DOCK10: variants seen among roughly 807,000 people sequenced by gnomAD.
DOCK10 encodes dedicator of cytokinesis protein 10.
Under a neutral mutation model 280.1 loss-of-function variants are expected in DOCK10, and 145 were observed. The ratio of observed to expected loss-of-function variants is 0.52; its 90% CI spans 0.45 to 0.59. The LOEUF (loss-of-function observed/expected upper bound fraction) is 0.59, where lower values mean the gene tolerates loss of function less well. Ranked by LOEUF, DOCK10 falls within the 20% of genes least tolerant of loss-of-function variation. The pLI, the probability that DOCK10 is intolerant of heterozygous loss-of-function variation, is 0.00. For missense variants in DOCK10, 2,368 were observed against 2,651.7 expected (o/e 0.89, Z 2.35); for synonymous variants, 915 against 942.2 (o/e 0.97, Z 0.53).
intron 8 of DOCK10, among the ~76,000 whole-genome samples, chr2:224,875,294 T>A (rs1355871969): frequency 1.3e-5 from 2 of 152,256 alleles, no homozygotes; most frequent in African/African-American, 2.4e-5. Context: ...TCTTTCACTC[T>A]ACAGCCTGAG....
chr2:224,873,879 T>A lies in DOCK10; in HGVS notation c.1257+117A>T. On this transcript the variant is annotated intron_variant, in intron 11 of 55. Coordinates refer to ENST00000258390, the MANE Select transcript of DOCK10 (RefSeq NM_014689.3). ...GGAAAAGGCTGTTAATAATATTCCC[T>A]GGTACACTAGAGAGTGAGAAATCAG... 3 of 1,063,322 alleles carry A rather than the reference T, an allele frequency of 2.8e-6. No homozygotes were observed. The East Asian group carries it at 7.5e-5, about 26-fold the overall frequency. 65.9% of individuals were successfully genotyped at this position (1,063,322 alleles called of 1,614,324 possible). A position where few individuals can be genotyped will look rare whatever the true frequency, so the allele number is the denominator to read the frequency against.
At chr2:224,816,506 A>G in intron 30 of DOCK10, 111 bp downstream of exon 30, 1 of 743,628 alleles carries the variant, frequency 1.3e-6, no homozygotes, top group East Asian at 2.7e-5. Context: ...GACAGCTTCA[A>G]ACAAAATTAT....
intron 1 of DOCK10, among the ~76,000 whole-genome samples, chr2:224,957,289 C>CA (rs1553622567): frequency 6.8e-6 from 1 of 146,266 alleles, no homozygotes; most frequent in Non-Finnish European, 1.5e-5. Context: ...CTTTCCGCCC[C>CA]CCCCCGGCTT....
intron 1 of DOCK10, among the ~76,000 whole-genome samples, chr2:225,008,353 T>C (rs1299876739): frequency 6.6e-6 from 1 of 152,172 alleles, no homozygotes; most frequent in Non-Finnish European, 1.5e-5. Flanking sequence ...TGGTGCTAGA[T>C]TGTGAGTAGT....
chr2:224,813,761 C>A (rs1693941926), intron 31 of DOCK10, among the ~76,000 whole-genome samples: 1 of 152,184 alleles, frequency 6.6e-6, no homozygotes, highest in South Asian at 2.1e-4. Flanking sequence ...TGCAGAAGTT[C>A]AGGAGACTAA....
rs1232072572 is a variant in DOCK10 at position 224,838,458 on chromosome 2, T to A, written c.2781-627A>T. On this transcript the variant is annotated intron_variant, in intron 24 of 55. Coordinates refer to ENST00000258390, the MANE Select transcript of DOCK10 (RefSeq NM_014689.3). The stretch of plus-strand genomic sequence containing the variant: ...ATATCTCAGAATTTCAACAGATCTA[T>A]CAGCTGCAATATCTAGGAGTCTTGC... Among the ~76,000 whole-genome samples the A allele has an allele frequency of 1.3e-5, 2 of 152,164 alleles. 1 individual carries two copies. Among genetic ancestry groups the A allele is most frequent in the Non-Finnish European group, 2.9e-5 (2 of 68,028 alleles).
intron 1 of DOCK10, among the ~76,000 whole-genome samples, chr2:225,013,052 C>T (rs1472877660): frequency 1.3e-5 from 2 of 152,128 alleles, no homozygotes; most frequent in African/African-American, 4.8e-5. Context: ...CTCTTTTGAA[C>T]ATTAATTTAA....
intron 55 of DOCK10, chr2:224,768,875 T>G: frequency 2.2e-6 from 1 of 456,450 alleles, no homozygotes; most frequent in Non-Finnish European, 4.4e-6. Flanking sequence ...AACATACCAC[T>G]TTTGCTTACA....
At chr2:225,035,542 TTATATATA>T (rs57424275) in intron 1 of DOCK10, among the ~76,000 whole-genome samples, 2,095 of 49,970 alleles carry the variant, frequency 0.042, 117 homozygotes, top group East Asian at 0.078. Flanking sequence ...ATGATATATA[TTATATATA>T]TATATATATA....
chr2:224,939,261 T>G (rs1162704791), intron 1 of DOCK10, among the ~76,000 whole-genome samples: 1 of 152,220 alleles, frequency 6.6e-6, no homozygotes, highest in African/African-American at 2.4e-5. Context: ...AATTTTCTAT[T>G]TTGTTAACCC....
intron 1 of DOCK10, among the ~76,000 whole-genome samples, chr2:224,949,825 A>G (rs963103637): frequency 2.0e-5 from 3 of 152,258 alleles, no homozygotes; most frequent in Non-Finnish European, 1.5e-5. Context: ...ATAAAATGAC[A>G]TCTTAAAAAT....
chr2:224,799,515 C>G (rs1427500293), intron 41 of DOCK10, among the ~76,000 whole-genome samples: 1 of 152,158 alleles, frequency 6.6e-6, no homozygotes, highest in Non-Finnish European at 1.5e-5. Flanking sequence ...TTTCACTTCT[C>G]CTGGGCAAAT....
At position 224,916,767 on chromosome 2, in the gene DOCK10, C is replaced by A; in HGVS notation, c.261G>T (p.Trp87Cys). The change falls in exon 3 of 56, where the codon TGG becomes TGT. Residue 87 changes from tryptophan (W) to cysteine (C), a missense_variant. Coordinates refer to ENST00000258390, the MANE Select transcript of DOCK10 (RefSeq NM_014689.3). ...CTGTTGAGTACAACGTGCGGATATC[C>A]CAGGAAACTGTGGCTGCCTGAAACG... is the stretch of plus-strand genomic sequence containing the variant. Reference protein sequence around the residue: ...SDDFSAATVSWDIRTLYSTVP... With the variant: ...SDDFSAATVSCDIRTLYSTVP... The A allele has an allele frequency of 6.2e-7, 1 of 1,610,112 alleles. No individual in the cohort carries two copies. Among genetic ancestry groups the A allele is most frequent in the Non-Finnish European group, 8.5e-7 (1 of 1,178,110 alleles).
At chr2:224,885,620 T>A in intron 7 of DOCK10, 51 bp downstream of exon 7, 1 of 1,502,902 alleles carries the variant, frequency 6.7e-7, no homozygotes, top group Admixed American at 2.4e-5. Context: ...TTGTTAAATA[T>A]ACTTTTCAAA....
chr2:224,880,313 C>A (rs1698906997), intron 7 of DOCK10, among the ~76,000 whole-genome samples: 1 of 152,016 alleles, frequency 6.6e-6, no homozygotes. Context: ...CCATTTGCAG[C>A]CCAGAGAAGC....
chr2:224,774,965 G>A lies in DOCK10; in HGVS notation c.5953C>T (p.Leu1985=). The change falls in exon 52 of 56, where the codon CTG becomes TTG. Residue 1985 remains leucine (L), a synonymous_variant. Transcript: ENST00000258390. ...NRFVFETPFT[L]SGKKHGGVAE... ...ACCCCACCGTGCTTCTTGCCCGACA[G>A]CGTGAAGGGTGTCTCGAAGACAAAG... 6.2e-7 allele frequency: 1 copy of A among 1,611,870 alleles called. No homozygotes were observed. Among genetic ancestry groups the A allele is most frequent in the African/African-American group, 1.3e-5 (1 of 75,032 alleles).
intron 1 of DOCK10, among the ~76,000 whole-genome samples, chr2:224,954,875 G>T (rs72974668): frequency 3.9e-5 from 6 of 151,992 alleles, no homozygotes; most frequent in African/African-American, 4.8e-5. Context: ...AAAGCATTCC[G>T]AGCTGAAGCA....
At chr2:224,958,696 T>C (rs139688991) in intron 1 of DOCK10, among the ~76,000 whole-genome samples, 2 of 152,272 alleles carry the variant, frequency 1.3e-5, no homozygotes, top group East Asian at 1.9e-4. Flanking sequence ...AAAAGAACTT[T>C]TCATGGTTAC....
At chr2:225,007,317 CTT>C (rs1295538224) in intron 1 of DOCK10, among the ~76,000 whole-genome samples, 3 of 152,168 alleles carry the variant, frequency 2.0e-5, no homozygotes, top group Admixed American at 2.0e-4. Context: ...ACAACTCTCT[CTT>C]GACTTTGTTA....
Sources: gnomAD v4.1 joint callset for allele counts (sites outside exome capture counted in the v4.1 genomes callset) on GRCh38, gnomAD v4.1.1 for gene constraint, MANE v1.5 for transcripts, NCBI Gene and HGNC (gene_info 2026-07-23, HGNC 2026-07-21) for gene names.